MPRIP: variants seen among roughly 807,000 people sequenced by gnomAD.
MPRIP encodes myosin phosphatase Rho interacting protein, also known as myosin phosphatase Rho-interacting protein.
Under a neutral mutation model 234.9 loss-of-function variants are expected in MPRIP, and 59 were observed. That is an observed-to-expected ratio of 0.25 (90% CI 0.20 to 0.31). The LOEUF (loss-of-function observed/expected upper bound fraction) is 0.31. MPRIP is among the 10% of genes least tolerant of loss of function. The pLI, the probability that MPRIP is intolerant of heterozygous loss-of-function variation, is 1.00. For synonymous variants in MPRIP, 1,144 were observed against 1,263.9 expected (o/e 0.91, Z 2.01); for missense variants, 2,436 against 3,071.0 (o/e 0.79, Z 4.89).
intron 4 of MPRIP, among the ~76,000 whole-genome samples, 189 bp downstream of exon 4, chr17:17,127,042 A>C (rs531959929): frequency 6.6e-6 from 1 of 152,058 alleles, no homozygotes; most frequent in African/African-American, 2.4e-5. Flanking sequence ...TCACCATTCC[A>C]CCTGCAGCCT....
At chr17:17,183,507 C>T (rs529558652) in intron 23 of MPRIP, among the ~76,000 whole-genome samples, 2 of 152,254 alleles carry the variant, frequency 1.3e-5, no homozygotes, top group African/African-American at 2.4e-5. Context: ...TGAGCCACCG[C>T]GCCCGGCCTG....
chr17:17,160,352 G>A (rs747612230), intron 14 of MPRIP, among the ~76,000 whole-genome samples: 2 of 152,060 alleles, frequency 1.3e-5, no homozygotes, highest in African/African-American at 2.4e-5. Context: ...GCGACAGAGC[G>A]AGAGTCCATC....
intron 15 of MPRIP, 124 bp from the exon 16 acceptor site, chr17:17,163,985 T>G (rs1312280684): frequency 1.4e-5 from 7 of 509,054 alleles, no homozygotes; most frequent in East Asian, 1.8e-4. Context: ...AAAAATAAAG[T>G]TGTACAAAGG....
intron 1 of MPRIP, among the ~76,000 whole-genome samples, chr17:17,047,335 A>G (rs894751042): frequency 6.6e-6 from 1 of 152,052 alleles, no homozygotes; most frequent in Non-Finnish European, 1.5e-5. Context: ...CCAGAATGCC[A>G]CTTGTCTTTT....
At position 17,165,440 on chromosome 17, in the gene MPRIP, C is replaced by T. The variant is rs189049669; in HGVS notation, c.3849C>T (p.Pro1283=). The T allele has an allele frequency of 2.3e-6, 3 of 1,304,092 alleles. No individual in the cohort carries two copies. In the African/African-American group the frequency reaches 4.6e-5, roughly 20 times the overall value. The allele number at this position is 1,304,092 out of a possible 1,614,324, so 80.8% of individuals were successfully genotyped here. ...PPGEEYGDGS[P]SREDSMVPPK... is the part of the protein sequence containing the mutation. ...GGGAAGAGTACGGTGATGGCAGCCC[C>T]AGTAGGGAAGACAGCATGGTGCCCC... Residue 1283 remains proline, a synonymous_variant, in exon 16 of 24, where the codon CCC becomes CCT. Transcript: ENST00000651222.
At position 17,190,821 on chromosome 17, in the gene MPRIP, G is replaced by A. The variant is rs1007425547; in HGVS notation, c.*5927G>A. ...TTTGTGAATACTTAAGCTACTGCATGCTTGGTGTAGCTTGCAATTTCTCTG... is the reference window on the plus strand; with the variant it reads ...TTTGTGAATACTTAAGCTACTGCATACTTGGTGTAGCTTGCAATTTCTCTG... On this transcript the variant is annotated 3_prime_UTR_variant, in exon 24 of 24. Transcript: ENST00000651222. 1 of 152,200 alleles carries A rather than the reference G, an allele frequency of 6.6e-6. No individual in the cohort carries two copies. The highest frequency in any genetic ancestry group is 2.4e-5 in the African/African-American group (1 of 41,442). 9.4% of individuals were successfully genotyped at this position (152,200 alleles called of 1,614,324 possible). A position where few individuals can be genotyped will look rare whatever the true frequency, so the allele number is the denominator to read the frequency against.
intron 5 of MPRIP, among the ~76,000 whole-genome samples, chr17:17,135,277 T>C (rs2090672496): frequency 2.0e-5 from 1 of 50,644 alleles, no homozygotes; most frequent in Non-Finnish European, 3.8e-5. Flanking sequence ...CACAAACACT[T>C]CTCCCTCGGA....
intron 1 of MPRIP, among the ~76,000 whole-genome samples, chr17:17,066,723 CTTTTTTTTTTTTTTTTTTTTTTTTTTTT>C (rs34804730): frequency 4.6e-3 from 169 of 36,684 alleles, no homozygotes; most frequent in Admixed American, 6.5e-3. Flanking sequence ...CTTTTTTCAT[CTTTTTTTTTTTTTTTTTTTTTTTTTTTT>C]TTTTTTTTTT....
intron 3 of MPRIP, among the ~76,000 whole-genome samples, chr17:17,100,198 A>G (rs759817658): frequency 1.3e-5 from 2 of 152,148 alleles, no homozygotes; most frequent in Non-Finnish European, 2.9e-5. Flanking sequence ...CCCCATTCCA[A>G]AGAGATTCTG....
At chr17:17,151,762 G>A (rs1262495511) in intron 12 of MPRIP, among the ~76,000 whole-genome samples, 1 of 152,212 alleles carries the variant, frequency 6.6e-6, no homozygotes, top group Non-Finnish European at 1.5e-5. Flanking sequence ...CAGGAGCTAG[G>A]ACAGAGGCCA....
intron 10 of MPRIP, 39 bp downstream of exon 10, chr17:17,146,131 G>C: frequency 6.3e-7 from 1 of 1,593,908 alleles, no homozygotes; most frequent in Non-Finnish European, 8.6e-7. Flanking sequence ...GAGGGATCTG[G>C]GGACAGGGTG....
intron 3 of MPRIP, chr17:17,096,916 C>T (rs1197339624): frequency 9.6e-6 from 4 of 417,592 alleles, no homozygotes; most frequent in South Asian, 3.5e-5. Context: ...AGAATCTCGT[C>T]GGCTGCTGGG....
chr17:17,114,763 C>T (rs1428225612), intron 3 of MPRIP, among the ~76,000 whole-genome samples: 1 of 152,102 alleles, frequency 6.6e-6, no homozygotes, highest in Non-Finnish European at 1.5e-5. Flanking sequence ...GGTGAGGGCT[C>T]CCAAGGGAAG....
Position 17,158,446 on chromosome 17 carries a change from A to G in MPRIP, c.1844A>G (p.Glu615Gly), listed in dbSNP as rs551557602. The G allele has an allele frequency of 1.1e-4, 179 of 1,569,772 alleles. No homozygotes were observed. The South Asian group carries it at 1.7e-3, about 15-fold the overall frequency. Residue 615 changes from glutamate to glycine, a missense_variant, in exon 14 of 24, where the codon GAA (glutamate) becomes GGA (glycine). By Grantham distance (98) the Glu-to-Gly change is moderately conservative. Transcript: ENST00000651222. Reference sequence around the variant, plus strand: ...CTGCCCCACAGCTCGTTGCCAGAGGAAAAAAACAAGAGCAGCTGCTCTTTT... The same window carrying G: ...CTGCCCCACAGCTCGTTGCCAGAGGGAAAAAACAAGAGCAGCTGCTCTTTT... Reference protein sequence around the residue: ...APDVTSSLPEEKNKSSCSFET... With the variant: ...APDVTSSLPEGKNKSSCSFET...
At chr17:17,092,467 C>G (rs2089741764) in intron 3 of MPRIP, among the ~76,000 whole-genome samples, 1 of 152,130 alleles carries the variant, frequency 6.6e-6, no homozygotes, top group Non-Finnish European at 1.5e-5. Flanking sequence ...CACTTCTAAT[C>G]TTTAGCCCCT....
intron 7 of MPRIP, among the ~76,000 whole-genome samples, chr17:17,140,681 T>A (rs1191984286): frequency 6.6e-6 from 1 of 152,206 alleles, no homozygotes; most frequent in Non-Finnish European, 1.5e-5. Flanking sequence ...GGCAAGCCTA[T>A]CTGAACCTGA....
chr17:17,147,475 C>G, intron 11 of MPRIP, 88 bp downstream of exon 11: 1 of 1,240,682 alleles, frequency 8.1e-7, no homozygotes, highest in South Asian at 1.2e-5. Context: ...TCCCCCTGGG[C>G]TAATGTCCCC....
At chr17:17,077,548 A>G in intron 2 of MPRIP, 1 of 157,826 alleles carries the variant, frequency 6.3e-6, no homozygotes, top group Non-Finnish European at 1.4e-5. Flanking sequence ...GATCATCAGA[A>G]CAACCCCTTT....
At chr17:17,160,063 T>G (rs1032658206) in intron 14 of MPRIP, among the ~76,000 whole-genome samples, 1 of 152,212 alleles carries the variant, frequency 6.6e-6, no homozygotes, top group African/African-American at 2.4e-5. Context: ...GGGGTCAGTC[T>G]TCACTGTTTA....
Sources: gnomAD v4.1 joint callset for allele counts (sites outside exome capture counted in the v4.1 genomes callset) on GRCh38, gnomAD v4.1.1 for gene constraint, MANE v1.5 for transcripts, NCBI Gene and HGNC (gene_info 2026-07-23, HGNC 2026-07-21) for gene names.